FLRT2: variants seen among roughly 807,000 people sequenced by gnomAD.
The protein encoded by FLRT2 is leucine-rich repeat transmembrane protein FLRT2.
Under a neutral mutation model 40.0 loss-of-function variants are expected in FLRT2, and 15 were observed. That is an observed-to-expected ratio of 0.38 (90% CI 0.25 to 0.58). The LOEUF is 0.58. Among genes scored for constraint, FLRT2 ranks in the 20% least tolerant of loss-of-function variants. FLRT2 has a pLI of 0.71. For synonymous variants in FLRT2, 380 were observed against 336.8 expected (o/e 1.13, Z -1.41); for missense variants, 726 against 840.0 (o/e 0.86, Z 1.68).
chr14:85,645,901 T>G lies in FLRT2; in HGVS notation c.*22404T>G, dbSNP rs1894288902. The G allele has an allele frequency of 6.6e-6, 1 of 152,208 alleles. No homozygotes were observed. Among genetic ancestry groups the G allele is most frequent in the Non-Finnish European group, 1.5e-5 (1 of 68,042 alleles). The allele number at this position is 152,208 out of a possible 1,614,324, so 9.4% of individuals were successfully genotyped here. On this transcript the variant is annotated 3_prime_UTR_variant, in exon 2 of 2. Transcript: ENST00000330753. Reference sequence around the variant, plus strand: ...TTCTGATACTCTCATATTGCACTATTCACTAGGAGGTTCAGCAATCTATTT... The same window carrying G: ...TTCTGATACTCTCATATTGCACTATGCACTAGGAGGTTCAGCAATCTATTT...
chr14:85,534,003 G>A (rs1252564850), intron 1 of FLRT2, among the ~76,000 whole-genome samples: 1 of 152,170 alleles, frequency 6.6e-6, no homozygotes, highest in Non-Finnish European at 1.5e-5. Flanking sequence ...GGTAACGCGC[G>A]CCCCCAACCC....
intron 1 of FLRT2, among the ~76,000 whole-genome samples, chr14:85,556,299 A>T (rs1889959981): frequency 6.6e-6 from 1 of 152,314 alleles, no homozygotes; most frequent in Non-Finnish European, 1.5e-5. Flanking sequence ...TTAGATTTTT[A>T]GCTTGCCTTT....
In FLRT2 at chr14:85,625,376, A is replaced by C. The variant is rs1216327517; in HGVS notation, c.*1879A>C. 1.2e-5 allele frequency: 2 copies of C among 166,998 alleles called. No homozygotes were observed. The highest frequency in any genetic ancestry group is 4.8e-5 in the African/African-American group (2 of 41,446). The allele number at this position is 166,998 out of a possible 1,614,324, so 10.3% of individuals were successfully genotyped here. The stretch of plus-strand genomic sequence containing the variant: ...AAAGTTTAGGTATAAAATGCTATGC[A>C]ACTTTTTCTTTATAGTAAGAGCTTT... On this transcript the variant is annotated 3_prime_UTR_variant, in exon 2 of 2. Transcript: ENST00000330753.
chr14:85,559,958 C>A (rs1159989199), intron 1 of FLRT2, among the ~76,000 whole-genome samples: 1 of 152,182 alleles, frequency 6.6e-6, no homozygotes. Context: ...AGCAAAAATG[C>A]AGACTTCCCA....
chr14:85,614,435 G>A (rs562628786), intron 1 of FLRT2, among the ~76,000 whole-genome samples: 6 of 152,194 alleles, frequency 3.9e-5, no homozygotes, highest in African/African-American at 1.4e-4. Flanking sequence ...TGCTGTTAGG[G>A]AATGGAAGTG....
intron 1 of FLRT2, among the ~76,000 whole-genome samples, chr14:85,533,715 A>G (rs1307933730): frequency 1.3e-5 from 2 of 151,908 alleles, no homozygotes; most frequent in Non-Finnish European, 2.9e-5. Context: ...ACGGGGGAAG[A>G]CGATGCCGCA....
At position 85,634,884 on chromosome 14, in the gene FLRT2, C is replaced by A. The variant is rs1893966416; in HGVS notation, c.*11387C>A. The A allele has an allele frequency of 6.6e-6, 1 of 152,014 alleles. No individual in the cohort carries two copies. Among genetic ancestry groups the A allele is most frequent in the Non-Finnish European group, 1.5e-5 (1 of 68,004 alleles). The allele number at this position is 152,014 out of a possible 1,614,324, so 9.4% of individuals were successfully genotyped here. On this transcript the variant is annotated 3_prime_UTR_variant, in exon 2 of 2. Transcript: ENST00000330753. ...CGGGCTTGTTTCTTATAGTCAAAAG[C>A]GCAGGAATTTAGTTGATCTCCCAAG... is the stretch of plus-strand genomic sequence containing the variant.
intron 1 of FLRT2, among the ~76,000 whole-genome samples, chr14:85,562,341 A>G (rs1470776622): frequency 2.6e-5 from 4 of 152,144 alleles, no homozygotes; most frequent in African/African-American, 9.7e-5. Flanking sequence ...ACATTTTTAC[A>G]TTGTTTTGTG....
intron 1 of FLRT2, among the ~76,000 whole-genome samples, chr14:85,562,109 A>T (rs528943112): frequency 6.6e-6 from 1 of 152,314 alleles, no homozygotes. Context: ...TAGTTTTCTG[A>T]CAGTTTTTAC....
rs984386272 is a variant in FLRT2, at chr14:85,635,338, T to C, written c.*11841T>C. The C allele has an allele frequency of 6.6e-6, 1 of 152,056 alleles. No homozygotes were observed. The highest frequency in any genetic ancestry group is 1.5e-5 in the Non-Finnish European group (1 of 67,982). 9.4% of individuals were successfully genotyped at this position (152,056 alleles called of 1,614,324 possible). On this transcript the variant is annotated 3_prime_UTR_variant, in exon 2 of 2. Coordinates refer to ENST00000330753, the MANE Select transcript of FLRT2 (RefSeq NM_013231.6). ...TTCAAACCCATTATGGCTGAAAAAT[T>C]ACAAATGAATAGAAAGAGAAGCAAG...
chr14:85,570,846 A>G (rs970163071), intron 1 of FLRT2, among the ~76,000 whole-genome samples: 3 of 151,590 alleles, frequency 2.0e-5, no homozygotes, highest in African/African-American at 4.8e-5. Context: ...CGGCCTCCCA[A>G]GGTGCTGGGA....
At chr14:85,556,755 A>G (rs1046896364) in intron 1 of FLRT2, among the ~76,000 whole-genome samples, 8 of 152,234 alleles carry the variant, frequency 5.3e-5, no homozygotes, top group Non-Finnish European at 8.8e-5. Flanking sequence ...TATACACAAT[A>G]AGTATTAACT....
intron 1 of FLRT2, among the ~76,000 whole-genome samples, chr14:85,588,720 A>G (rs1025615525): frequency 3.3e-5 from 5 of 151,558 alleles, no homozygotes; most frequent in South Asian, 4.2e-4. Flanking sequence ...TGTTCCTTTT[A>G]TTTTTTTTCT....
At chr14:85,577,621 G>A (rs540437050) in intron 1 of FLRT2, among the ~76,000 whole-genome samples, 1 of 151,490 alleles carries the variant, frequency 6.6e-6, no homozygotes, top group Non-Finnish European at 1.5e-5. Flanking sequence ...GGGTCTCACC[G>A]TGTTGCCCAG....
At chr14:85,619,869 G>T (rs1893303822) in intron 1 of FLRT2, among the ~76,000 whole-genome samples, 1 of 152,184 alleles carries the variant, frequency 6.6e-6, no homozygotes, top group Non-Finnish European at 1.5e-5. Context: ...GGATTGCCTT[G>T]ACTTCCTCAA....
At chr14:85,590,638 C>T (rs889857945) in intron 1 of FLRT2, among the ~76,000 whole-genome samples, 10 of 151,978 alleles carry the variant, frequency 6.6e-5, no homozygotes, top group South Asian at 2.1e-4. Context: ...CTCGCTCTTT[C>T]GCCCAGGCTG....
rs529604793 is a variant in FLRT2 at position 85,648,039 on chromosome 14, C to T, written c.*24542C>T. ...CTACAATTTTATAAAAATGGTGATA[C>T]ATTTGTAATTTGTCCCTCAAATTAC... On this transcript the variant is annotated 3_prime_UTR_variant, in exon 2 of 2. Transcript: ENST00000330753. 2.0e-5 allele frequency: 3 copies of T among 152,020 alleles called. No individual in the cohort carries two copies. Among genetic ancestry groups the T allele is most frequent in the Non-Finnish European group, 4.4e-5 (3 of 68,008 alleles). 9.4% of individuals were successfully genotyped at this position (152,020 alleles called of 1,614,324 possible).
At chr14:85,551,644 T>A (rs1291298415) in intron 1 of FLRT2, 1 of 152,164 alleles carries the variant, frequency 6.6e-6, no homozygotes, top group Non-Finnish European at 1.5e-5. Context: ...AAAGGATGAA[T>A]ATATATAGGG....
In FLRT2 at chr14:85,621,281, A is replaced by G. The variant is rs1893366558; in HGVS notation, c.-234A>G. On this transcript the variant is annotated 5_prime_UTR_variant, in exon 2 of 2. Coordinates refer to ENST00000330753, the MANE Select transcript of FLRT2 (RefSeq NM_013231.6). The stretch of plus-strand genomic sequence containing the variant: ...GCCATCACCTGTTGCCAGTGTGGAA[A>G]AATTCTCCCTGTTGAATTTTTTGCA... The G allele has an allele frequency of 1.9e-6, 1 of 529,834 alleles. No homozygotes were observed. The highest frequency in any genetic ancestry group is 3.3e-6 in the Non-Finnish European group (1 of 304,084). 32.8% of individuals were successfully genotyped at this position (529,834 alleles called of 1,614,324 possible). A position where few individuals can be genotyped will look rare whatever the true frequency, so the allele number is the denominator to read the frequency against.
Sources: gnomAD v4.1 joint callset for allele counts (sites outside exome capture counted in the v4.1 genomes callset) on GRCh38, gnomAD v4.1.1 for gene constraint, MANE v1.5 for transcripts, NCBI Gene and HGNC (gene_info 2026-07-23, HGNC 2026-07-21) for gene names.